Variants in BTBD7 observed in about 807,000 individuals in gnomAD.
The protein encoded by BTBD7 is BTB domain containing 7.
BTBD7 carries 38 observed loss-of-function variants against 99.9 expected under a neutral mutation model. The observed-to-expected ratio is 0.38, with a 90% CI of 0.29 to 0.50. The LOEUF is 0.50. Ranked by LOEUF, BTBD7 falls within the 20% of genes least tolerant of loss-of-function variation. The probability of loss-of-function intolerance (pLI) is 0.93; values close to 1 mark genes in which losing one functional copy is unlikely to be tolerated. For missense variants in BTBD7, 1,170 were observed against 1,394.6 expected, an observed-to-expected ratio of 0.84 and a Z score of 2.57; for synonymous variants, 520 against 511.4, an observed-to-expected ratio of 1.02 and a Z score of -0.23.
intron 3 of BTBD7, among the ~76,000 whole-genome samples, chr14:93,290,699 T>G (rs1487040220): frequency 1.3e-5 from 2 of 151,090 alleles, no homozygotes; most frequent in Admixed American, 1.3e-4. Context: ...TTTTGTATTT[T>G]TATTTTTTTG....
rs2052206162 is a variant in BTBD7 at position 93,240,047 on chromosome 14, T to A, written c.*2226A>T. On this transcript the variant is annotated 3_prime_UTR_variant, in exon 11 of 11. Coordinates refer to ENST00000334746, the MANE Select transcript of BTBD7 (RefSeq NM_001002860.4). ...TTTGTTTCTGAAGACAGACAGAGAC[T>A]GGGCTTCAAAAGACACCGTCTTCTA... 1 of 152,186 alleles carries A rather than the reference T, an allele frequency of 6.6e-6. No homozygotes were observed. The allele number at this position is 152,186 out of a possible 1,614,324, so 9.4% of individuals were successfully genotyped here. A position where few individuals can be genotyped will look rare whatever the true frequency, so the allele number is the denominator to read the frequency against.
intron 6 of BTBD7, among the ~76,000 whole-genome samples, chr14:93,254,235 T>C (rs2052404245): frequency 6.6e-6 from 1 of 152,052 alleles, no homozygotes; most frequent in African/African-American, 2.4e-5. Flanking sequence ...CCGTGCCCGG[T>C]GAAATACCTC....
chr14:93,312,097 G>A (rs1213352272), intron 1 of BTBD7, among the ~76,000 whole-genome samples: 4 of 151,864 alleles, frequency 2.6e-5, no homozygotes, highest in Non-Finnish European at 5.9e-5. Context: ...GCTATTATCC[G>A]TTGGTTCCCT....
chr14:93,281,091 T>C (rs2052714000), intron 3 of BTBD7, among the ~76,000 whole-genome samples: 1 of 152,038 alleles, frequency 6.6e-6, no homozygotes, highest in South Asian at 2.1e-4. Context: ...CAATCTGCGC[T>C]TCTTGGGCTC....
intron 3 of BTBD7, among the ~76,000 whole-genome samples, chr14:93,277,709 T>G (rs1345023483): frequency 6.6e-6 from 1 of 152,232 alleles, no homozygotes; most frequent in African/African-American, 2.4e-5. Context: ...GACAGCTATT[T>G]CTATAATCAA....
intron 1 of BTBD7, among the ~76,000 whole-genome samples, chr14:93,314,651 G>C (rs1383622714): frequency 1.3e-5 from 2 of 151,972 alleles, no homozygotes; most frequent in African/African-American, 4.8e-5. Context: ...ACTCTGCCCA[G>C]TCTAAATTAT....
chr14:93,260,582 T>A (rs1477299079), intron 5 of BTBD7, among the ~76,000 whole-genome samples: 1 of 152,098 alleles, frequency 6.6e-6, no homozygotes, highest in African/African-American at 2.4e-5. Context: ...GACGAAGTTT[T>A]GCTCTTGTTG....
intron 3 of BTBD7, among the ~76,000 whole-genome samples, chr14:93,280,441 C>T (rs1182996482): frequency 6.8e-6 from 1 of 146,864 alleles, no homozygotes; most frequent in Admixed American, 6.9e-5. Flanking sequence ...ATGAATATCG[C>T]TAGAAACAAA....
At chr14:93,331,346 G>A (rs1040831032) in intron 1 of BTBD7, among the ~76,000 whole-genome samples, 10 of 152,148 alleles carry the variant, frequency 6.6e-5, no homozygotes, top group African/African-American at 2.4e-4. Context: ...GCCAGCTGTA[G>A]GATCCACAAC....
At chr14:93,315,597 ACTAAT>A (rs776123859) in intron 1 of BTBD7, among the ~76,000 whole-genome samples, 2 of 152,230 alleles carry the variant, frequency 1.3e-5, no homozygotes, top group Non-Finnish European at 2.9e-5. Flanking sequence ...CTAGGCAACT[ACTAAT>A]CTAATTTCTA....
intron 1 of BTBD7, among the ~76,000 whole-genome samples, chr14:93,322,996 G>A (rs1211805657): frequency 6.6e-6 from 1 of 152,076 alleles, no homozygotes; most frequent in Non-Finnish European, 1.5e-5. Context: ...GATGGCGTGT[G>A]CCTGCTGCCC....
At chr14:93,262,172 G>T (rs1473362613) in intron 4 of BTBD7, among the ~76,000 whole-genome samples, 1 of 148,420 alleles carries the variant, frequency 6.7e-6, no homozygotes, top group African/African-American at 2.5e-5. Flanking sequence ...TCGCGCTGTT[G>T]CCCAGGCTGG....
At position 93,248,305 on chromosome 14, in the gene BTBD7, T is replaced by C. The variant is rs2052335712; in HGVS notation, c.2121+171A>G. On this transcript the variant is annotated intron_variant, in intron 9 of 10. Coordinates refer to ENST00000334746, the MANE Select transcript of BTBD7 (RefSeq NM_001002860.4). ...CTAGGCCTCTGCTCAGTCCACTCCA[T>C]GACGCTGCCTCTCACCAGGAGGGAC... Among the ~76,000 whole-genome samples, 3 of 152,262 alleles carry C rather than the reference T, an allele frequency of 2.0e-5. No homozygotes were observed. In the South Asian group the frequency reaches 6.2e-4, roughly 32 times the overall value.
chr14:93,301,214 A>G (rs961558627), intron 1 of BTBD7, among the ~76,000 whole-genome samples: 4 of 151,224 alleles, frequency 2.6e-5, no homozygotes, highest in Non-Finnish European at 5.9e-5. Context: ...TTTTTGAGAC[A>G]GAATTTCATT....
intron 3 of BTBD7, chr14:93,288,334 T>C (rs2052805529): frequency 1.7e-6 from 1 of 601,170 alleles, no homozygotes; most frequent in Non-Finnish European, 2.9e-6. Flanking sequence ...TCCACTCATC[T>C]CTTTATTATA....
chr14:93,272,040 C>T (rs1254369118), intron 3 of BTBD7, among the ~76,000 whole-genome samples: 3 of 151,754 alleles, frequency 2.0e-5, no homozygotes, highest in South Asian at 2.1e-4. Context: ...ATCCTGTGGG[C>T]GGGCGCAGTG....
At chr14:93,290,987 GTTTTTTTTTTTTTTT>G (rs34246296) in intron 3 of BTBD7, among the ~76,000 whole-genome samples, 1 of 76,760 alleles carries the variant, frequency 1.3e-5, no homozygotes, top group East Asian at 4.4e-4. Context: ...GCTAGGCCTA[GTTTTTTTTTTTTTTT>G]TTTTTTTTTT....
At chr14:93,302,846 A>C (rs2053021228) in intron 1 of BTBD7, among the ~76,000 whole-genome samples, 1 of 152,064 alleles carries the variant, frequency 6.6e-6, no homozygotes, top group Admixed American at 6.6e-5. Flanking sequence ...CTGTCTCAAA[A>C]ACAAAACAAA....
intron 1 of BTBD7, among the ~76,000 whole-genome samples, chr14:93,321,352 A>G (rs1456340046): frequency 3.3e-5 from 5 of 152,332 alleles, no homozygotes; most frequent in African/African-American, 1.2e-4. Context: ...CAGCACTTTC[A>G]GAGGCCTAGG....
Sources: allele counts gnomAD v4.1 joint callset (sites outside exome capture counted in the v4.1 genomes callset), GRCh38; gene constraint gnomAD v4.1.1; transcripts MANE v1.5; gene names NCBI Gene and HGNC (gene_info 2026-07-23, HGNC 2026-07-21).